The following KDM7A variants were observed in gnomAD, a reference collection of about 807,000 sequenced individuals.
The protein encoded by KDM7A is lysine-specific demethylase 7A.
A neutral mutation model predicts 114.8 loss-of-function variants in KDM7A; 28 were observed. The ratio of observed to expected loss-of-function variants is 0.24; its 90% CI spans 0.18 to 0.33. KDM7A has a LOEUF of 0.33. KDM7A is among the 10% of genes least tolerant of loss of function. The pLI is 1.00. For missense variants in KDM7A, 942 were observed against 1,142.5 expected (o/e 0.82, Z 2.53); for synonymous variants, 423 against 397.8 (o/e 1.06, Z -0.75).
intron 1 of KDM7A, among the ~76,000 whole-genome samples, chr7:140,172,094 G>C (rs1794651302): frequency 6.6e-6 from 1 of 152,122 alleles, no homozygotes. Flanking sequence ...GGAACTAAAA[G>C]TGGACACTGT....
intron 2 of KDM7A, among the ~76,000 whole-genome samples, chr7:140,136,830 T>C (rs374545860): frequency 5.3e-5 from 8 of 151,634 alleles, no homozygotes; most frequent in African/African-American, 1.7e-4. Flanking sequence ...CTACTGAAAA[T>C]ACAAAAATTA....
intron 9 of KDM7A, among the ~76,000 whole-genome samples, chr7:140,114,630 T>C (rs1386156986): frequency 6.7e-6 from 1 of 149,694 alleles, no homozygotes; most frequent in Non-Finnish European, 1.5e-5. Context: ...TGGCCGCCCA[T>C]CATCTGGGAT....
chr7:140,159,239 C>G (rs1020092400), intron 1 of KDM7A, among the ~76,000 whole-genome samples: 2 of 152,084 alleles, frequency 1.3e-5, no homozygotes, highest in African/African-American at 4.8e-5. Context: ...CCCAACTACT[C>G]AGGAGGCTGA....
intron 11 of KDM7A, among the ~76,000 whole-genome samples, chr7:140,109,196 C>A (rs1818392784): frequency 6.6e-6 from 1 of 152,244 alleles, no homozygotes; most frequent in African/African-American, 2.4e-5. Context: ...GGAAAGGGAA[C>A]TCCCCGACCC....
chr7:140,159,129 G>C (rs1794490272), intron 1 of KDM7A, among the ~76,000 whole-genome samples: 1 of 152,194 alleles, frequency 6.6e-6, no homozygotes, highest in South Asian at 2.1e-4. Context: ...CAGATCACTT[G>C]AGGTCGGGAG....
chr7:140,174,250 C>G (rs546875288), intron 1 of KDM7A, among the ~76,000 whole-genome samples: 23 of 152,124 alleles, frequency 1.5e-4, no homozygotes, highest in Admixed American at 4.6e-4. Flanking sequence ...GCTAAATTTT[C>G]TAACTTTTGA....
At chr7:140,140,607 C>T (rs1482787391) in intron 1 of KDM7A, among the ~76,000 whole-genome samples, 1 of 152,064 alleles carries the variant, frequency 6.6e-6, no homozygotes, top group Admixed American at 6.5e-5. Flanking sequence ...AACCCCGTCT[C>T]TACTAAAAAT....
chr7:140,171,064 CCAA>C (rs71520073), intron 1 of KDM7A, among the ~76,000 whole-genome samples: 32,136 of 150,144 alleles, frequency 0.21, 4,497 homozygotes, highest in African/African-American at 0.37. Context: ...CCCCCATCCC[CCAA>C]CAACAACAAC....
chr7:140,148,193 C>T (rs1254461275), intron 1 of KDM7A, among the ~76,000 whole-genome samples: 1 of 150,662 alleles, frequency 6.6e-6, no homozygotes, highest in Non-Finnish European at 1.5e-5. Flanking sequence ...AGAGCACACA[C>T]CAGGCACTCA....
intron 18 of KDM7A, among the ~76,000 whole-genome samples, chr7:140,093,163 G>A (rs184593840): frequency 6.6e-6 from 1 of 152,238 alleles, no homozygotes; most frequent in Admixed American, 6.5e-5. Context: ...TATATACACG[G>A]GTGTCTCCTC....
intron 1 of KDM7A, among the ~76,000 whole-genome samples, chr7:140,140,952 A>C (rs1794265531): frequency 6.6e-6 from 1 of 152,158 alleles, no homozygotes; most frequent in East Asian, 1.9e-4. Flanking sequence ...AGAAATCATA[A>C]GAATCAAGAA....
chr7:140,149,147 A>C (rs1177568852), intron 1 of KDM7A, among the ~76,000 whole-genome samples: 1 of 152,184 alleles, frequency 6.6e-6, no homozygotes, highest in Non-Finnish European at 1.5e-5. Context: ...AACTGATCAA[A>C]CAACATGAGA....
rs1562941746 is a variant in KDM7A, at chr7:140,087,758, A to G, written c.*3336T>C. 1 of 152,234 alleles carries G rather than the reference A, an allele frequency of 6.6e-6. No individual in the cohort carries two copies. The highest frequency in any genetic ancestry group is 1.5e-5 in the Non-Finnish European group (1 of 68,028). 9.4% of individuals were successfully genotyped at this position (152,234 alleles called of 1,614,324 possible). A position where few individuals can be genotyped will look rare whatever the true frequency, so the allele number is the denominator to read the frequency against. On this transcript the variant is annotated 3_prime_UTR_variant, in exon 20 of 20. Coordinates refer to ENST00000397560, the MANE Select transcript of KDM7A (RefSeq NM_030647.2). ...TGCTACACCAAGTCCCTGTATGACC[A>G]TATTAATTACCAAGTTGAAGCATTT...
chr7:140,160,977 G>A (rs1468369911), intron 1 of KDM7A, among the ~76,000 whole-genome samples: 1 of 152,112 alleles, frequency 6.6e-6, no homozygotes, highest in African/African-American at 2.4e-5. Context: ...AATAAGGACA[G>A]GCTAGCACAA....
chr7:140,174,164 CAAAAA>C (rs751602446), intron 1 of KDM7A, among the ~76,000 whole-genome samples: 1 of 87,054 alleles, frequency 1.1e-5, no homozygotes, highest in African/African-American at 4.3e-5. Flanking sequence ...ACTCCGTCTC[CAAAAA>C]AAAAAAAAAG....
chr7:140,107,112 T>C (rs1562948160), intron 11 of KDM7A, among the ~76,000 whole-genome samples: 1 of 152,202 alleles, frequency 6.6e-6, no homozygotes, highest in Non-Finnish European at 1.5e-5. Flanking sequence ...TTTTTTTGTT[T>C]TCCACTTGCT....
chr7:140,176,589 C>T lies in KDM7A; in HGVS notation c.194+155G>A, dbSNP rs909646346. Among the ~76,000 whole-genome samples, 115 of 146,470 alleles carry T rather than the reference C, an allele frequency of 7.9e-4. No homozygotes were observed. Among genetic ancestry groups the T allele is most frequent in the Middle Eastern group, 3.5e-3 (1 of 284 alleles). On this transcript the variant is annotated intron_variant, in intron 1 of 19. Transcript: ENST00000397560. This position sits in a 1 kb window ranked among gnomAD's most constrained non-coding sequence, Gnocchi z 4.4. ...CCCGGCGAACCCGGGGCACCGCGCG[C>T]CCCACTGCCCGGCCGGGGGGCTAGG...
At chr7:140,110,875 G>C (rs1322533240) in intron 11 of KDM7A, among the ~76,000 whole-genome samples, 5 of 151,940 alleles carry the variant, frequency 3.3e-5, no homozygotes, top group African/African-American at 1.2e-4. Context: ...ACTAGTAACT[G>C]TTTCCTTATT....
chr7:140,126,351 G>A (rs1432727448), intron 6 of KDM7A, among the ~76,000 whole-genome samples: 2 of 150,546 alleles, frequency 1.3e-5, no homozygotes, highest in African/African-American at 4.9e-5. Flanking sequence ...TTAACTAGGG[G>A]AAAAAAAATC....
Sources: gnomAD v4.1 joint callset for allele counts (sites outside exome capture counted in the v4.1 genomes callset) on GRCh38, gnomAD v4.1.1 for gene constraint, Gnocchi (gnomAD v3.1) non-coding constraint, MANE v1.5 for transcripts, NCBI Gene and HGNC (gene_info 2026-07-23, HGNC 2026-07-21) for gene names.